The following PCDH7 variants were observed in gnomAD, a reference collection of about 807,000 sequenced individuals.
The protein encoded by PCDH7 is protocadherin 7, also known as protocadherin-7.
A neutral mutation model predicts 58.9 loss-of-function variants in PCDH7; 17 were observed. The observed-to-expected ratio is 0.29, with a 90% CI of 0.20 to 0.43. The LOEUF is 0.43. Among genes scored for constraint, PCDH7 ranks in the 20% least tolerant of loss-of-function variants. The pLI, the probability that PCDH7 is intolerant of heterozygous loss-of-function variation, is 1.00. For synonymous variants in PCDH7, 664 were observed against 616.4 expected (o/e 1.08, Z -1.14); for missense variants, 1,274 against 1,441.0 (o/e 0.88, Z 1.88).
At chr4:31,010,302 C>A (rs762365317) in intron 3 of PCDH7, among the ~76,000 whole-genome samples, 13 of 151,854 alleles carry the variant, frequency 8.6e-5, no homozygotes, top group Non-Finnish European at 1.6e-4. Flanking sequence ...ATATGAGTAA[C>A]ATATTTTAAA....
intron 1 of PCDH7, among the ~76,000 whole-genome samples, chr4:30,815,270 T>C (rs1037681808): frequency 6.6e-6 from 1 of 151,988 alleles, no homozygotes; most frequent in African/African-American, 2.4e-5. Flanking sequence ...TTCTTGCCTC[T>C]TCAGAGGAAA....
At chr4:31,145,075 C>A (rs556108338), downstream of PCDH7, 258 of 150,072 alleles carry the variant, frequency 1.7e-3, 1 homozygote, top group African/African-American at 6.2e-3. Flanking sequence ...TAATGCATTT[C>A]TTTCTTTCAT....
intron 1 of PCDH7, among the ~76,000 whole-genome samples, chr4:30,852,367 T>C (rs1732876538): frequency 6.6e-6 from 1 of 152,156 alleles, no homozygotes; most frequent in Non-Finnish European, 1.5e-5. Context: ...GATTAGAGGA[T>C]AGGGAAACAA....
chr4:30,986,046 G>C (rs1750936454), intron 3 of PCDH7, among the ~76,000 whole-genome samples: 1 of 152,112 alleles, frequency 6.6e-6, no homozygotes, highest in Non-Finnish European at 1.5e-5. Flanking sequence ...TCTTTTGTAA[G>C]AATCACCTTG....
At chr4:31,064,803 C>T (rs1334352244) in intron 3 of PCDH7, among the ~76,000 whole-genome samples, 3 of 151,912 alleles carry the variant, frequency 2.0e-5, no homozygotes, top group Non-Finnish European at 2.9e-5. Flanking sequence ...TTATGAGATA[C>T]TTGGAATTGG....
intron 1 of PCDH7, among the ~76,000 whole-genome samples, chr4:30,846,721 T>A (rs1392531196): frequency 6.6e-6 from 1 of 152,140 alleles, no homozygotes; most frequent in African/African-American, 2.4e-5. Flanking sequence ...AGAACTATTG[T>A]TTCTAAGGTA....
chr4:31,001,434 C>T (rs2109137989), intron 3 of PCDH7, among the ~76,000 whole-genome samples: 1 of 152,146 alleles, frequency 6.6e-6, no homozygotes, highest in Non-Finnish European at 1.5e-5. Context: ...TAAAATTGCA[C>T]TCATGTATCT....
rs140240933 is a variant in PCDH7, at chr4:30,906,782, G to T, written c.71-13371G>T. Among the ~76,000 whole-genome samples the T allele has an allele frequency of 9.2e-3, 1,403 of 152,238 alleles. 27 individuals are homozygous for T. The highest frequency in any genetic ancestry group is 0.032 in the African/African-American group (1,344 of 41,544). ...TCACACCTGTAATCCCAGCAGTTAG[G>T]GAGGCCGAGGCAGGAGGATCACCTG... On this transcript the variant is annotated intron_variant, in intron 1 of 3. Coordinates refer to the PCDH7 transcript ENST00000509759.
intron 1 of PCDH7, among the ~76,000 whole-genome samples, chr4:30,880,060 A>G (rs1282613624): frequency 4.6e-5 from 7 of 152,046 alleles, no homozygotes; most frequent in African/African-American, 1.7e-4. Flanking sequence ...TACCAGATTG[A>G]CTCATGGAAT....
intron 1 of PCDH7, among the ~76,000 whole-genome samples, chr4:30,844,789 G>T (rs1202116183): frequency 6.6e-6 from 1 of 152,142 alleles, no homozygotes; most frequent in Non-Finnish European, 1.5e-5. Context: ...GCAGATTAAT[G>T]TATGTGATCA....
intron 3 of PCDH7, among the ~76,000 whole-genome samples, chr4:31,013,621 A>G (rs565434262): frequency 1.1e-4 from 16 of 151,960 alleles, no homozygotes; most frequent in African/African-American, 3.9e-4. Context: ...ACACACACAT[A>G]TATCTGCACA....
At chr4:30,775,391 G>A (rs73121569) in intron 1 of PCDH7, among the ~76,000 whole-genome samples, 2,105 of 152,180 alleles carry the variant, frequency 0.014, 54 homozygotes, top group African/African-American at 0.048. Context: ...AACTTGGAGT[G>A]TGTGTGTGAG....
rs1749443504 is a variant in PCDH7 at position 30,970,341 on chromosome 4, C to A, written c.*7+20126C>A. Among the ~76,000 whole-genome samples, 2 of 151,642 alleles carry A rather than the reference C, an allele frequency of 1.3e-5. 1 individual carries two copies. The highest frequency in any genetic ancestry group is 1.3e-4 in the Admixed American group (2 of 15,216). On this transcript the variant is annotated intron_variant, in intron 3 of 3. Transcript: ENST00000509759. ...ACGGCGTCTAGCTCAGTCGCCCAGGCTGGAGTGCAGTGGCACGATCTCGGC... is the reference window on the plus strand; with the variant it reads ...ACGGCGTCTAGCTCAGTCGCCCAGGATGGAGTGCAGTGGCACGATCTCGGC...
intron 1 of PCDH7, among the ~76,000 whole-genome samples, chr4:30,822,209 G>A (rs1387853435): frequency 1.3e-5 from 2 of 152,062 alleles, no homozygotes; most frequent in African/African-American, 2.4e-5. Flanking sequence ...TTTTCAAAGA[G>A]CACCTACTTT....
At chr4:30,823,156 C>T (rs1334582377) in intron 1 of PCDH7, among the ~76,000 whole-genome samples, 2 of 152,102 alleles carry the variant, frequency 1.3e-5, no homozygotes, top group African/African-American at 2.4e-5. Context: ...TTTTGCTTCG[C>T]AGGGTTGATA....
At chr4:30,946,214 A>G (rs1297338207) in intron 2 of PCDH7, among the ~76,000 whole-genome samples, 1 of 152,200 alleles carries the variant, frequency 6.6e-6, no homozygotes, top group African/African-American at 2.4e-5. Flanking sequence ...TTTATGCAGC[A>G]GGGGAATAAT....
intron 1 of PCDH7, among the ~76,000 whole-genome samples, chr4:30,793,739 G>C (rs951477115): frequency 6.6e-6 from 1 of 152,170 alleles, no homozygotes; most frequent in Non-Finnish European, 1.5e-5. Context: ...GTGTGCAATA[G>C]CGTTAAAGGA....
At chr4:30,856,633 A>G (rs1188077145) in intron 1 of PCDH7, among the ~76,000 whole-genome samples, 2 of 151,586 alleles carry the variant, frequency 1.3e-5, no homozygotes, top group Non-Finnish European at 2.9e-5. Context: ...CATGCTTAGG[A>G]AAATATAACT....
At chr4:30,856,359 C>T (rs1389480156) in intron 1 of PCDH7, among the ~76,000 whole-genome samples, 11 of 151,990 alleles carry the variant, frequency 7.2e-5, no homozygotes, top group Admixed American at 3.9e-4. Flanking sequence ...CTTGATATTG[C>T]TGGAACTAAC....
Sources: gnomAD v4.1 joint callset for allele counts (sites outside exome capture counted in the v4.1 genomes callset) on GRCh38, gnomAD v4.1.1 for gene constraint, MANE v1.5 for transcripts, NCBI Gene and HGNC (gene_info 2026-07-23, HGNC 2026-07-21) for gene names.